Variants in BAAT observed in about 807,000 individuals in gnomAD.
BAAT encodes the protein bile acid CoA: amino acid N-acyltransferase (glycine N-choloyltransferase).
In BAAT, 13 loss-of-function variants were observed where a neutral mutation model predicts 18.9. The ratio of observed to expected loss-of-function variants is 0.69; its 90% CI spans 0.45 to 1.10. The LOEUF (loss-of-function observed/expected upper bound fraction) is 1.10. Among genes scored for constraint, BAAT ranks in the 50% least tolerant of loss-of-function variants. The probability of loss-of-function intolerance (pLI) is 0.00; values close to 1 mark genes in which losing one functional copy is unlikely to be tolerated. For missense variants in BAAT, 489 were observed against 504.0 expected, an observed-to-expected ratio of 0.97 and a Z score of 0.28; for synonymous variants, 170 against 190.7, an observed-to-expected ratio of 0.89 and a Z score of 0.89.
intron 2 of BAAT, among the ~76,000 whole-genome samples, chr9:101,369,168 A>C (rs141065799): frequency 3.7e-4 from 56 of 152,288 alleles, no homozygotes; most frequent in African/African-American, 1.3e-3. Flanking sequence ...GGGATATTCT[A>C]TTCTTTTATA....
At chr9:101,366,836 T>C (rs983713145) in intron 3 of BAAT, among the ~76,000 whole-genome samples, 3 of 151,866 alleles carry the variant, frequency 2.0e-5, no homozygotes, top group Admixed American at 2.0e-4. Flanking sequence ...GTATGGAGAT[T>C]TAATTTTATT....
intron 3 of BAAT, 75 bp downstream of exon 3, chr9:101,368,045 C>A: frequency 6.1e-6 from 9 of 1,482,976 alleles, no homozygotes; most frequent in Non-Finnish European, 7.5e-6. Flanking sequence ...GAGCAAGACC[C>A]TGTCTTTTAA....
chr9:101,369,723 TA>T (rs1397455984), intron 2 of BAAT, among the ~76,000 whole-genome samples: 1 of 152,198 alleles, frequency 6.6e-6, no homozygotes, highest in Non-Finnish European at 1.5e-5. Flanking sequence ...CTGGGTATTT[TA>T]AAAACTCAAA....
chr9:101,361,639 T>C lies in BAAT; in HGVS notation c.*789A>G, dbSNP rs1829726186. 6.5e-6 allele frequency: 1 copy of C among 152,744 alleles called. No individual in the cohort carries two copies. The highest frequency in any genetic ancestry group is 2.4e-5 in the African/African-American group (1 of 41,478). 9.5% of individuals were successfully genotyped at this position (152,744 alleles called of 1,614,324 possible). On this transcript the variant is annotated 3_prime_UTR_variant, in exon 4 of 4. Transcript: ENST00000259407. The stretch of plus-strand genomic sequence containing the variant: ...GTGATAGTTGACCCAATCACTCAGT[T>C]TATCAAACTCCCCAGGCTAGCCTGT...
chr9:101,383,325 A>C (rs549008909), intron 1 of BAAT: 1 of 152,348 alleles, frequency 6.6e-6, no homozygotes, highest in African/African-American at 2.4e-5. Flanking sequence ...TGAGATTATG[A>C]AATGAACAAA....
At chr9:101,372,478 G>C (rs1242735813) in intron 1 of BAAT, among the ~76,000 whole-genome samples, 1 of 152,106 alleles carries the variant, frequency 6.6e-6, no homozygotes, top group East Asian at 1.9e-4. Context: ...TAAAAGTCTT[G>C]CTGAGCTTTT....
chr9:101,365,152 G>A (rs1424579717), intron 3 of BAAT, among the ~76,000 whole-genome samples: 1 of 152,164 alleles, frequency 6.6e-6, no homozygotes, highest in Non-Finnish European at 1.5e-5. Context: ...ACAAAATAAA[G>A]CTCCGATTCT....
intron 2 of BAAT, 113 bp from the exon 3 acceptor site, chr9:101,368,435 TA>T: frequency 1.0e-6 from 1 of 968,922 alleles, no homozygotes; most frequent in Non-Finnish European, 1.5e-6. Flanking sequence ...ATAAAATAAA[TA>T]AATAAAAGAT....
chr9:101,363,116 G>GC, intron 3 of BAAT, 101 bp from the exon 4 acceptor site: 1 of 1,142,782 alleles, frequency 8.8e-7, no homozygotes, highest in Non-Finnish European at 1.3e-6. Flanking sequence ...TGAGAACAAA[G>GC]CAAGTATTAA....
At chr9:101,384,652 CT>C (rs1830176402) in intron 1 of BAAT, among the ~76,000 whole-genome samples, 1 of 152,092 alleles carries the variant, frequency 6.6e-6, no homozygotes, top group Admixed American at 6.6e-5. Context: ...CTGGATGAAT[CT>C]TATAAACATA....
In BAAT at chr9:101,361,334, TAC is replaced by T. The variant is rs1436956082; in HGVS notation, c.*1092_*1093del. 1 of 152,940 alleles carries T rather than the reference TAC, an allele frequency of 6.5e-6. No individual in the cohort carries two copies. The highest frequency in any genetic ancestry group is 1.5e-5 in the Non-Finnish European group (1 of 68,158). 9.5% of individuals were successfully genotyped at this position (152,940 alleles called of 1,614,324 possible). A position where few individuals can be genotyped will look rare whatever the true frequency, so the allele number is the denominator to read the frequency against. ...GAACTTAAAGTCTTGCAAAATGTGGTACATGCTAGATGGTAGTTATGTTGCTA... is the reference window on the plus strand; with the variant it reads ...GAACTTAAAGTCTTGCAAAATGTGGTATGCTAGATGGTAGTTATGTTGCTA... On this transcript the variant is annotated 3_prime_UTR_variant, in exon 4 of 4. Transcript: ENST00000259407.
intron 1 of BAAT, among the ~76,000 whole-genome samples, chr9:101,373,988 G>C (rs1829999452): frequency 6.6e-6 from 1 of 152,146 alleles, no homozygotes; most frequent in African/African-American, 2.4e-5. Flanking sequence ...AATTTAGCAA[G>C]CTTCAAAGCT....
intron 3 of BAAT, among the ~76,000 whole-genome samples, chr9:101,366,689 G>A (rs770124221): frequency 2.6e-5 from 4 of 152,112 alleles, no homozygotes; most frequent in Non-Finnish European, 5.9e-5. Context: ...CTGACATTTC[G>A]AGGGCAGTTC....
intron 3 of BAAT, among the ~76,000 whole-genome samples, chr9:101,364,589 A>G (rs1829794821): frequency 1.3e-5 from 2 of 152,224 alleles, no homozygotes; most frequent in Non-Finnish European, 2.9e-5. Context: ...AAACTCATGC[A>G]AAAACTGAGA....
chr9:101,371,178 A>G lies in BAAT; in HGVS notation c.227T>C (p.Met76Thr), dbSNP rs190174945. The change falls in exon 2 of 4, where the codon ATG (methionine) becomes ACG (threonine). Residue 76 changes from methionine to threonine, a missense_variant. By Grantham distance (81) the Met-to-Thr change is moderately conservative. Transcript: ENST00000259407. ...LGGDYMGVHP[M>T]GLFWSLKPEK... ...AGGTTTCAGAGACCAGAAGAGACCC[A>G]TGGGGTGGACTCCCATATAATCCCC... 9.9e-6 allele frequency: 16 copies of G among 1,614,184 alleles called. No individual in the cohort carries two copies. In the Admixed American group the frequency reaches 1.7e-4, roughly 17 times the overall value.
intron 3 of BAAT, among the ~76,000 whole-genome samples, chr9:101,365,262 A>G (rs937997490): frequency 1.3e-5 from 2 of 152,118 alleles, no homozygotes; most frequent in African/African-American, 4.8e-5. Context: ...TTGATCTCCT[A>G]TATTTTAAAG....
rs1331162527 is a variant in BAAT at position 101,371,175 on chromosome 9, C to T, written c.230G>A (p.Gly77Asp). The T allele has an allele frequency of 8.1e-6, 13 of 1,614,130 alleles. No homozygotes were observed. The highest frequency in any genetic ancestry group is 1.0e-5 in the Non-Finnish European group (12 of 1,180,030). ...GGDYMGVHPM[G>D]LFWSLKPEKL... ...TTCAGGTTTCAGAGACCAGAAGAGACCCATGGGGTGGACTCCCATATAATC... is the reference window on the plus strand; with the variant it reads ...TTCAGGTTTCAGAGACCAGAAGAGATCCATGGGGTGGACTCCCATATAATC... The change falls in exon 2 of 4, where the codon GGT (glycine) becomes GAT (aspartate). Residue 77 changes from glycine (G) to aspartate (D), a missense_variant. By Grantham distance (94) the Gly-to-Asp change is moderately conservative (BLOSUM62 -1). Coordinates refer to ENST00000259407, the MANE Select transcript of BAAT (RefSeq NM_001701.4).
chr9:101,381,640 T>C (rs1830134269), intron 1 of BAAT, among the ~76,000 whole-genome samples: 4 of 152,142 alleles, frequency 2.6e-5, no homozygotes, highest in South Asian at 2.1e-4. Context: ...AAAAGACAGA[T>C]TGAAAGTAAA....
At chr9:101,371,784 A>G (rs1481201249) in intron 1 of BAAT, among the ~76,000 whole-genome samples, 1 of 152,188 alleles carries the variant, frequency 6.6e-6, no homozygotes, top group Non-Finnish European at 1.5e-5. Context: ...AATCAGGTAC[A>G]ATGGAGGATA....
Sources: allele counts gnomAD v4.1 joint callset (sites outside exome capture counted in the v4.1 genomes callset), GRCh38; gene constraint gnomAD v4.1.1; transcripts MANE v1.5; gene names NCBI Gene and HGNC (gene_info 2026-07-23, HGNC 2026-07-21).